PKIB: variants seen among roughly 807,000 people sequenced by gnomAD.
PKIB encodes the protein cAMP-dependent protein kinase inhibitor beta.
Under a neutral mutation model 4.5 loss-of-function variants are expected in PKIB, and 2 were observed. That is an observed-to-expected ratio of 0.44 (90% confidence interval 0.18 to 1.39). PKIB has a LOEUF of 1.39. PKIB is among the 40% of genes most tolerant of loss of function. The pLI is 0.27. For missense variants in PKIB, 94 were observed against 92.6 expected (o/e 1.02, Z -0.06); for synonymous variants, 38 against 36.0 (o/e 1.06, Z -0.20).
chr6:122,472,782 T>A (rs1775341530), intron 1 of PKIB, among the ~76,000 whole-genome samples: 1 of 152,182 alleles, frequency 6.6e-6, no homozygotes, highest in African/African-American at 2.4e-5. Flanking sequence ...TTATCTGTGG[T>A]TTTGTAGACC....
In PKIB at chr6:122,623,921, A is replaced by G. The variant is rs535350732; in HGVS notation, c.-160-9362A>G. Among the ~76,000 whole-genome samples the G allele has an allele frequency of 5.9e-5, 9 of 152,270 alleles. No homozygotes were observed. In the East Asian group the frequency reaches 1.7e-3, roughly 29 times the overall value. On this transcript the variant is annotated intron_variant, in intron 1 of 4. Coordinates refer to ENST00000368452, the MANE Select transcript of PKIB (RefSeq NM_181795.3). ...CTTGTGTAAGAGTATTAATAAATCT[A>G]AAACATATTAAACACAATATGTGCC...
intron 2 of PKIB, among the ~76,000 whole-genome samples, chr6:122,548,455 C>T (rs555001739): frequency 6.6e-6 from 1 of 152,102 alleles, no homozygotes; most frequent in African/African-American, 2.4e-5. Flanking sequence ...GGAAAGCATA[C>T]GTAGAGAATG....
intron 2 of PKIB, among the ~76,000 whole-genome samples, chr6:122,553,198 C>A (rs1341112929): frequency 6.6e-6 from 1 of 152,136 alleles, no homozygotes; most frequent in Non-Finnish European, 1.5e-5. Flanking sequence ...CCATTTATCC[C>A]CTGGCTACCC....
chr6:122,722,425 A>T (rs936175210), intron 4 of PKIB, among the ~76,000 whole-genome samples: 6 of 152,186 alleles, frequency 3.9e-5, no homozygotes, highest in African/African-American at 1.4e-4. Context: ...TTGAGTTCCT[A>T]GTTCATTTCA....
At chr6:122,520,661 T>TTCCCCCCTC (rs1562237597) in intron 2 of PKIB, among the ~76,000 whole-genome samples, 1 of 55,546 alleles carries the variant, frequency 1.8e-5, no homozygotes, top group African/African-American at 6.0e-5. Flanking sequence ...AAGTTTATGT[T>TTCCCCCCTC]CCCACCCCCC....
chr6:122,530,961 A>G (rs183978794), intron 2 of PKIB, among the ~76,000 whole-genome samples: 1 of 152,306 alleles, frequency 6.6e-6, no homozygotes, highest in Non-Finnish European at 1.5e-5. Context: ...TAAGTGATGT[A>G]TCTACTCAAT....
chr6:122,540,342 A>G (rs1777554576), intron 2 of PKIB, among the ~76,000 whole-genome samples: 1 of 149,404 alleles, frequency 6.7e-6, no homozygotes, highest in Non-Finnish European at 1.5e-5. Context: ...CCCTCTACAC[A>G]CTGCTTTGAA....
At chr6:122,717,188 A>T (rs183797374) in intron 3 of PKIB, among the ~76,000 whole-genome samples, 1 of 91,192 alleles carries the variant, frequency 1.1e-5, no homozygotes, top group South Asian at 4.8e-4. Context: ...ACCTGAAGGT[A>T]AAAAAACCTA....
At chr6:122,580,108 AG>A (rs371798291) in intron 2 of PKIB, among the ~76,000 whole-genome samples, 11 of 152,240 alleles carry the variant, frequency 7.2e-5, no homozygotes, top group African/African-American at 2.4e-4. Context: ...CTGTGTTGCT[AG>A]TTTGATATAT....
intron 2 of PKIB, among the ~76,000 whole-genome samples, chr6:122,501,156 C>T (rs539969663): frequency 5.9e-5 from 9 of 152,304 alleles, no homozygotes; most frequent in African/African-American, 1.9e-4. Flanking sequence ...CCCAACAGTC[C>T]CCTAAAGTCT....
intron 4 of PKIB, among the ~76,000 whole-genome samples, chr6:122,721,264 C>CT (rs1779729830): frequency 6.6e-6 from 1 of 152,158 alleles, no homozygotes; most frequent in South Asian, 2.1e-4. Context: ...GTTCCAAAGC[C>CT]TTCATCTTTC....
chr6:122,556,377 C>T (rs530767023), intron 2 of PKIB, among the ~76,000 whole-genome samples: 1 of 152,280 alleles, frequency 6.6e-6, no homozygotes, highest in Admixed American at 6.5e-5. Flanking sequence ...GGACAAGTTA[C>T]TGCATCTGGC....
chr6:122,562,377 A>G (rs983316040), intron 2 of PKIB, among the ~76,000 whole-genome samples: 1 of 152,158 alleles, frequency 6.6e-6, no homozygotes, highest in African/African-American at 2.4e-5. Context: ...TTCGTCTCAC[A>G]GCTGTTAAGA....
intron 2 of PKIB, among the ~76,000 whole-genome samples, chr6:122,502,500 T>C (rs900947889): frequency 6.6e-5 from 10 of 151,742 alleles, no homozygotes; most frequent in African/African-American, 2.2e-4. Flanking sequence ...ACAATCTTCG[T>C]TTGGCAGAAC....
At chr6:122,603,806 A>C (rs899533324) in intron 3 of PKIB, among the ~76,000 whole-genome samples, 5 of 152,188 alleles carry the variant, frequency 3.3e-5, no homozygotes, top group African/African-American at 1.2e-4. Flanking sequence ...TACAGGTATT[A>C]GTACAAATAA....
At chr6:122,491,754 A>G (rs1181004773) in intron 2 of PKIB, among the ~76,000 whole-genome samples, 1 of 152,222 alleles carries the variant, frequency 6.6e-6, no homozygotes, top group Admixed American at 6.5e-5. Context: ...ATCTGATTTC[A>G]TAGCCATTTA....
intron 1 of PKIB, among the ~76,000 whole-genome samples, chr6:122,628,856 A>C (rs1220029440): frequency 1.3e-5 from 2 of 152,120 alleles, no homozygotes; most frequent in African/African-American, 4.8e-5. Context: ...CAGTATGCTG[A>C]CTTTCACCTT....
At chr6:122,655,587 C>T (rs569680623) in intron 2 of PKIB, among the ~76,000 whole-genome samples, 20 of 152,282 alleles carry the variant, frequency 1.3e-4, no homozygotes, top group Non-Finnish European at 2.8e-4. Context: ...ATAAGCTGCC[C>T]ACTCTATGGG....
chr6:122,477,064 A>G (rs1387242903), intron 1 of PKIB, among the ~76,000 whole-genome samples: 1 of 152,226 alleles, frequency 6.6e-6, no homozygotes, highest in Non-Finnish European at 1.5e-5. Flanking sequence ...TTAAAGATGC[A>G]TTTAATTGAA....
Sources: allele counts gnomAD v4.1 joint callset (sites outside exome capture counted in the v4.1 genomes callset), GRCh38; gene constraint gnomAD v4.1.1; transcripts MANE v1.5; gene names NCBI Gene and HGNC (gene_info 2026-07-23, HGNC 2026-07-21).